Variants in MTRES1 observed in about 807,000 individuals in gnomAD.
MTRES1 encodes the protein mitochondrial transcription rescue factor 1.
Under a neutral mutation model 17.4 loss-of-function variants are expected in MTRES1, and 11 were observed. The observed-to-expected ratio is 0.63, with a 90% CI of 0.40 to 1.05. The LOEUF is 1.05. Among genes scored for constraint, MTRES1 ranks in the 50% least tolerant of loss-of-function variants. MTRES1 has a pLI of 0.00. For synonymous variants in MTRES1, 94 were observed against 99.6 expected (o/e 0.94, Z 0.34); for missense variants, 268 against 276.2 (o/e 0.97, Z 0.21).
In MTRES1 at chr6:107,043,114, G is replaced by A. The variant is rs187438807; in HGVS notation, c.471-1146G>A. Reference sequence around the variant, plus strand: ...TGGGAGGCTGAGGTGGGCGGATCATGAGGTCAGGAGATCGAGACCATCCTG... The same window carrying A: ...TGGGAGGCTGAGGTGGGCGGATCATAAGGTCAGGAGATCGAGACCATCCTG... On this transcript the variant is annotated intron_variant, in intron 2 of 3. Transcript: ENST00000311381. Among the ~76,000 whole-genome samples the A allele has an allele frequency of 9.8e-3, 1,493 of 152,176 alleles. 22 individuals are homozygous for A. The highest frequency in any genetic ancestry group is 0.035 in the African/African-American group (1,436 of 41,530).
intron 1 of MTRES1, among the ~76,000 whole-genome samples, chr6:107,031,603 C>T (rs1405535784): frequency 7.2e-6 from 1 of 139,714 alleles, no homozygotes; most frequent in Non-Finnish European, 1.5e-5. Context: ...CCATCGTGCC[C>T]AGCTATTTTT....
In MTRES1 at chr6:107,028,496, C is replaced by G. The variant is rs1554225944; in HGVS notation, c.-13+225C>G. On this transcript the variant is annotated intron_variant, in intron 1 of 3. Transcript: ENST00000311381. ...CTGTCGCTCCTGCTGGCTCCGAATG[C>G]AGACTGCGAACCCGGGGACGCAGTT... is the stretch of plus-strand genomic sequence containing the variant. 1.1e-4 allele frequency: 16 copies of G among 152,338 alleles called. 1 individual carries two copies. The highest frequency in any genetic ancestry group is 2.3e-4 in the Non-Finnish European group (16 of 68,152). 9.4% of individuals were successfully genotyped at this position (152,338 alleles called of 1,614,324 possible). A position where few individuals can be genotyped will look rare whatever the true frequency, so the allele number is the denominator to read the frequency against.
At chr6:107,028,906 T>C (rs1011250448) in intron 1 of MTRES1, 5 of 984,098 alleles carry the variant, frequency 5.1e-6, no homozygotes, top group Non-Finnish European at 6.0e-6. Flanking sequence ...AGAGATCTTT[T>C]AAAATGAACT....
Position 107,039,853 on chromosome 6 carries a change from A to G in MTRES1, c.93A>G (p.Ser31=), listed in dbSNP as rs2114955433. ...GLWGVLRGTP[S]SYKLCTSWNR... ...GGGGTGTTCTCCGAGGGACACCTTC[A>G]TCATACAAACTCTGTACTTCCTGGA... Residue 31 remains serine (S), a synonymous_variant, in exon 2 of 4, where the codon TCA becomes TCG. Transcript: ENST00000311381. 1.9e-6 allele frequency: 3 copies of G among 1,614,188 alleles called. No individual in the cohort carries two copies. Among genetic ancestry groups the G allele is most frequent in the Non-Finnish European group, 2.5e-6 (3 of 1,180,036 alleles).
Position 107,039,882 on chromosome 6 carries a change from G to C in MTRES1, c.122G>C (p.Arg41Pro), listed in dbSNP as rs1554227410. 2.5e-6 allele frequency: 4 copies of C among 1,614,054 alleles called. No homozygotes were observed. Among genetic ancestry groups the C allele is most frequent in the Non-Finnish European group, 3.4e-6 (4 of 1,180,014 alleles). The change falls in exon 2 of 4, where the codon CGA becomes CCA. Residue 41 changes from arginine to proline, a missense_variant. Arg to Pro is a moderately radical substitution (Grantham distance 103). Transcript: ENST00000311381. ...SSYKLCTSWNRYLYFSSTKLR... is the reference protein window; with the variant it reads ...SSYKLCTSWNPYLYFSSTKLR... ...TACAAACTCTGTACTTCCTGGAATC[G>C]ATACTTGTATTTTTCTAGTACCAAG...
intron 3 of MTRES1, among the ~76,000 whole-genome samples, chr6:107,047,521 A>G (rs1554228566): frequency 6.6e-6 from 1 of 152,078 alleles, no homozygotes; most frequent in Admixed American, 6.6e-5. Flanking sequence ...CACCTGGCCT[A>G]TACACCTTTT....
At chr6:107,049,192 T>TA (rs1261229689) in intron 3 of MTRES1, among the ~76,000 whole-genome samples, 1 of 152,102 alleles carries the variant, frequency 6.6e-6, no homozygotes, top group Non-Finnish European at 1.5e-5. Context: ...TAAAATAAGA[T>TA]AAAAGTCAGC....
intron 3 of MTRES1, among the ~76,000 whole-genome samples, chr6:107,046,317 T>C (rs1384726576): frequency 6.6e-6 from 1 of 152,116 alleles, no homozygotes; most frequent in Non-Finnish European, 1.5e-5. Flanking sequence ...CACTAGACTA[T>C]TTTTCCTCAC....
chr6:107,031,786 A>G (rs868984587), intron 1 of MTRES1, among the ~76,000 whole-genome samples: 1 of 152,096 alleles, frequency 6.6e-6, no homozygotes, highest in African/African-American at 2.4e-5. Context: ...TTAGTAGTAG[A>G]GACAGGGTTT....
chr6:107,051,439 CT>C lies in MTRES1; in HGVS notation c.*206del. 1 of 395,248 alleles carries C rather than the reference CT, an allele frequency of 2.5e-6. No homozygotes were observed. The highest frequency in any genetic ancestry group is 4.3e-6 in the Non-Finnish European group (1 of 231,698). The allele number at this position is 395,248 out of a possible 1,614,324, so 24.5% of individuals were successfully genotyped here. The stretch of plus-strand genomic sequence containing the variant: ...CCCCTGCCCACCTTGATCCATGCTC[CT>C]TTGACCTCCTCGTGTGAGAACCCCT... On this transcript the variant is annotated 3_prime_UTR_variant, in exon 4 of 4. Transcript: ENST00000311381.
In MTRES1 at chr6:107,047,881, A is replaced by G. The variant is rs143442907; in HGVS notation, c.544-3176A>G. On this transcript the variant is annotated intron_variant, in intron 3 of 3. Transcript: ENST00000311381. ...AGCCTGGGCAGCAGAGCGAGACTCC[A>G]TCTCAAAAAAAGAAAACAAACAAAA... Among the ~76,000 whole-genome samples, 211 of 152,080 alleles carry G rather than the reference A, an allele frequency of 1.4e-3. 1 individual carries two copies. Among genetic ancestry groups the G allele is most frequent in the East Asian group, 6.1e-3 (31 of 5,116 alleles).
chr6:107,035,053 A>G (rs1397028348), intron 1 of MTRES1, among the ~76,000 whole-genome samples: 5 of 152,094 alleles, frequency 3.3e-5, no homozygotes, highest in Non-Finnish European at 7.4e-5. Flanking sequence ...CACTTAGCGT[A>G]TTCTTAAATT....
intron 3 of MTRES1, among the ~76,000 whole-genome samples, chr6:107,045,705 A>G (rs151229626): frequency 0.011 from 1,707 of 152,326 alleles, 30 homozygotes; most frequent in African/African-American, 0.039. Context: ...AAGTTAACAA[A>G]ACACAATAAA....
intron 2 of MTRES1, among the ~76,000 whole-genome samples, chr6:107,043,281 C>T (rs1407543873): frequency 6.6e-6 from 1 of 151,752 alleles, no homozygotes; most frequent in Non-Finnish European, 1.5e-5. Context: ...CTGCAGTGAG[C>T]CGAGACCACA....
chr6:107,035,735 A>C (rs570669566), intron 1 of MTRES1, among the ~76,000 whole-genome samples: 11 of 151,084 alleles, frequency 7.3e-5, no homozygotes, highest in Admixed American at 7.3e-4. Flanking sequence ...TGCAACCTCA[A>C]CCTCCTGGGT....
rs1773696930 is a variant in MTRES1, at chr6:107,028,203, A to C, written c.-81A>C. 1 of 151,486 alleles carries C rather than the reference A, an allele frequency of 6.6e-6. No homozygotes were observed. The highest frequency in any genetic ancestry group is 6.6e-5 in the Admixed American group (1 of 15,214). The allele number at this position is 151,486 out of a possible 1,614,324, so 9.4% of individuals were successfully genotyped here. ...GGCGCCGGCGGAAGGGGCGGGGCGCAGATAGGGGTAGCCTGGAGGCCTGCA... is the reference window on the plus strand; with the variant it reads ...GGCGCCGGCGGAAGGGGCGGGGCGCCGATAGGGGTAGCCTGGAGGCCTGCA... On this transcript the variant is annotated 5_prime_UTR_variant, in exon 1 of 4. Coordinates refer to ENST00000311381, the MANE Select transcript of MTRES1 (RefSeq NM_016487.5).
chr6:107,028,772 A>G, intron 1 of MTRES1: 1 of 489,008 alleles, frequency 2.0e-6, no homozygotes, highest in Non-Finnish European at 2.7e-6. Flanking sequence ...CTTTTTTTAC[A>G]GACACTGCTT....
Position 107,040,130 on chromosome 6 carries a change from G to A in MTRES1, c.370G>A (p.Asp124Asn). 1.2e-6 allele frequency: 2 copies of A among 1,613,838 alleles called. No homozygotes were observed. Among genetic ancestry groups the A allele is most frequent in the South Asian group, 1.1e-5 (1 of 91,016 alleles). Residue 124 changes from aspartate to asparagine, a missense_variant, in exon 2 of 4, where the codon GAT becomes AAT. Asp to Asn is a conservative substitution (Grantham distance 23). Coordinates refer to ENST00000311381, the MANE Select transcript of MTRES1 (RefSeq NM_016487.5). ...EMSEQEEELEDDPTVVKNYKD... is the reference protein window; with the variant it reads ...EMSEQEEELENDPTVVKNYKD... ...GAGTGAGCAGGAAGAGGAGCTTGAG[G>A]ATGATCCTACTGTAGTCAAAAACTA...
At chr6:107,036,731 T>C (rs1439511728) in intron 1 of MTRES1, among the ~76,000 whole-genome samples, 2 of 151,604 alleles carry the variant, frequency 1.3e-5, no homozygotes, top group Non-Finnish European at 1.5e-5. Flanking sequence ...TAGTCCCAGC[T>C]ACTCGGGAGG....
Sources: allele counts gnomAD v4.1 joint callset (sites outside exome capture counted in the v4.1 genomes callset), GRCh38; gene constraint gnomAD v4.1.1; transcripts MANE v1.5; gene names NCBI Gene and HGNC (gene_info 2026-07-23, HGNC 2026-07-21).